CYP2C18: variants seen among roughly 807,000 people sequenced by gnomAD.
CYP2C18 encodes cytochrome P450 2C18.
A neutral mutation model predicts 41.3 loss-of-function variants in CYP2C18; 38 were observed. The ratio of observed to expected loss-of-function variants is 0.92; its 90% CI spans 0.71 to 1.21. The LOEUF is 1.21. Among genes scored for constraint, CYP2C18 ranks in the 50% most tolerant of loss-of-function variants. The probability of loss-of-function intolerance (pLI) is 0.00; values close to 1 mark genes in which losing one functional copy is unlikely to be tolerated. For missense variants in CYP2C18, 635 were observed against 591.4 expected, an observed-to-expected ratio of 1.07 and a Z score of -0.77; for synonymous variants, 236 against 210.0, an observed-to-expected ratio of 1.12 and a Z score of -1.07.
At chr10:94,705,492 T>C (rs909697162) in intron 4 of CYP2C18, among the ~76,000 whole-genome samples, 2 of 152,190 alleles carry the variant, frequency 1.3e-5, no homozygotes, top group Non-Finnish European at 2.9e-5. Context: ...CTGCACATCC[T>C]GCACGTGCAC....
chr10:94,711,903 A>G (rs1475703519), intron 5 of CYP2C18, among the ~76,000 whole-genome samples: 1 of 151,146 alleles, frequency 6.6e-6, no homozygotes, highest in Non-Finnish European at 1.5e-5. Context: ...GTGAAGTGGT[A>G]TGACCATAGC....
chr10:94,704,354 G>C (rs1480605595), intron 4 of CYP2C18, among the ~76,000 whole-genome samples: 3 of 150,638 alleles, frequency 2.0e-5, no homozygotes. Flanking sequence ...GAAGGCTATA[G>C]CTTCCTTTAG....
chr10:94,728,583 C>T (rs1015771935), intron 7 of CYP2C18: 9 of 940,556 alleles, frequency 9.6e-6, no homozygotes, highest in Non-Finnish European at 1.1e-5. Context: ...TGAAGAGTTC[C>T]CCCACGTGTT....
At chr10:94,729,247 C>G (rs1170195128) in intron 7 of CYP2C18, among the ~76,000 whole-genome samples, 1 of 152,072 alleles carries the variant, frequency 6.6e-6, no homozygotes, top group Non-Finnish European at 1.5e-5. Context: ...ATTTTAAGTT[C>G]CGAATACCAC....
At chr10:94,718,052 G>A (rs1029069754) in intron 5 of CYP2C18, among the ~76,000 whole-genome samples, 3 of 151,830 alleles carry the variant, frequency 2.0e-5, no homozygotes, top group African/African-American at 7.3e-5. Context: ...AGATAGTATG[G>A]ACATTTTAAC....
chr10:94,698,258 G>T (rs1847161731), intron 4 of CYP2C18, among the ~76,000 whole-genome samples: 1 of 152,114 alleles, frequency 6.6e-6, no homozygotes, highest in Non-Finnish European at 1.5e-5. Flanking sequence ...AAATGTAAGA[G>T]AACAGAAATT....
At chr10:94,700,266 C>G (rs531396179) in intron 4 of CYP2C18, among the ~76,000 whole-genome samples, 95 of 152,224 alleles carry the variant, frequency 6.2e-4, no homozygotes, top group African/African-American at 1.4e-3. Context: ...CATGGTACTG[C>G]TACCAAAACA....
intron 6 of CYP2C18, among the ~76,000 whole-genome samples, chr10:94,722,588 G>A (rs577662140): frequency 2.8e-4 from 42 of 152,218 alleles, no homozygotes; most frequent in Admixed American, 2.0e-4. Flanking sequence ...GTCCCCATAA[G>A]GCTGAGTATT....
intron 8 of CYP2C18, chr10:94,733,681 A>T (rs924655364): frequency 6.4e-5 from 52 of 815,282 alleles, no homozygotes; most frequent in Non-Finnish European, 7.2e-5. Flanking sequence ...GGTTAATTTA[A>T]TTCTGCCTCT....
At chr10:94,725,028 T>C (rs1847714981) in intron 7 of CYP2C18, among the ~76,000 whole-genome samples, 1 of 149,868 alleles carries the variant, frequency 6.7e-6, no homozygotes, top group African/African-American at 2.4e-5. Context: ...ACGTTTTTTT[T>C]CTGAAATGAT....
At chr10:94,705,036 T>C (rs1847314250) in intron 4 of CYP2C18, among the ~76,000 whole-genome samples, 1 of 152,108 alleles carries the variant, frequency 6.6e-6, no homozygotes, top group African/African-American at 2.4e-5. Flanking sequence ...TCTTCTGTGG[T>C]CCCTCTGTAA....
intron 4 of CYP2C18, among the ~76,000 whole-genome samples, chr10:94,697,052 C>T (rs986878532): frequency 6.6e-6 from 1 of 152,230 alleles, no homozygotes; most frequent in Non-Finnish European, 1.5e-5. Flanking sequence ...TTGGAAAACA[C>T]TCTGCACGAT....
chr10:94,730,127 C>G (rs1564649581), intron 7 of CYP2C18, among the ~76,000 whole-genome samples: 1 of 152,208 alleles, frequency 6.6e-6, no homozygotes, highest in South Asian at 2.1e-4. Context: ...TCCTCTAGTA[C>G]AACTGATCAT....
chr10:94,725,117 A>G (rs1847717357), intron 7 of CYP2C18, among the ~76,000 whole-genome samples: 2 of 148,492 alleles, frequency 1.3e-5, no homozygotes, highest in African/African-American at 2.4e-5. Context: ...ATATAATATT[A>G]AAAATATATT....
At position 94,695,783 on chromosome 10, in the gene CYP2C18, C is replaced by A. The variant is rs531519890; in HGVS notation, c.642+706C>A. ...CCTGGAAAATCGGGTCACTCCCACC[C>A]TAATATGGTGCTTTTCCAATGATCT... On this transcript the variant is annotated intron_variant, in intron 4 of 8. Coordinates refer to ENST00000285979, the MANE Select transcript of CYP2C18 (RefSeq NM_000772.3). 6.6e-5 allele frequency among the ~76,000 whole-genome samples: 10 copies of A among 152,236 alleles called. No individual in the cohort carries two copies. The South Asian group carries it at 2.1e-3, about 32-fold the overall frequency.
At chr10:94,729,294 A>G (rs1847792418) in intron 7 of CYP2C18, among the ~76,000 whole-genome samples, 1 of 152,184 alleles carries the variant, frequency 6.6e-6, no homozygotes, top group Non-Finnish European at 1.5e-5. Context: ...TGATGCAACT[A>G]GAAAGAAACA....
chr10:94,699,061 C>G (rs1033925052), intron 4 of CYP2C18, among the ~76,000 whole-genome samples: 8 of 152,138 alleles, frequency 5.3e-5, no homozygotes, highest in African/African-American at 1.7e-4. Context: ...CAAGGAGGAG[C>G]TGGTACCATT....
rs1166244846 is a variant in CYP2C18 at position 94,724,339 on chromosome 10, T to C, written c.962-7T>C. The C allele has an allele frequency of 6.2e-7, 1 of 1,613,128 alleles. No homozygotes were observed. Among genetic ancestry groups the C allele is most frequent in the East Asian group, 2.2e-5 (1 of 44,834 alleles). On this transcript the variant is annotated splice_region_variant and splice_polypyrimidine_tract_variant and intron_variant, in intron 6 of 8. Transcript: ENST00000285979. ...TTTTCCATCATTTCTTACTTGTGTC[T>C]TATCAGCTAAAGTCCAGGAAGAGAT... is the stretch of plus-strand genomic sequence containing the variant.
intron 5 of CYP2C18, among the ~76,000 whole-genome samples, chr10:94,715,275 C>T (rs569836744): frequency 6.6e-6 from 1 of 152,296 alleles, no homozygotes; most frequent in Admixed American, 6.5e-5. Context: ...AAAGGGAATG[C>T]TTCCAGTTTG....
Sources: gnomAD v4.1 joint callset for allele counts (sites outside exome capture counted in the v4.1 genomes callset) on GRCh38, gnomAD v4.1.1 for gene constraint, MANE v1.5 for transcripts, NCBI Gene and HGNC (gene_info 2026-07-23, HGNC 2026-07-21) for gene names.